GLP2R: variants seen among roughly 807,000 people sequenced by gnomAD.
The protein encoded by GLP2R is glucagon-like peptide 2 receptor.
In GLP2R, 59 loss-of-function variants were observed where a neutral mutation model predicts 68.2. That is an observed-to-expected ratio of 0.87 (90% CI 0.70 to 1.07). The LOEUF is 1.07. Ranked by LOEUF, GLP2R falls within the 50% of genes least tolerant of loss-of-function variation. The pLI, the probability that GLP2R is intolerant of heterozygous loss-of-function variation, is 0.00. For missense variants in GLP2R, 548 were observed against 677.4 expected (o/e 0.81, Z 2.12); for synonymous variants, 270 against 265.4 (o/e 1.02, Z -0.17).
chr17:9,842,875 C>T (rs1018199955), intron 4 of GLP2R, among the ~76,000 whole-genome samples: 4 of 152,346 alleles, frequency 2.6e-5, no homozygotes, highest in African/African-American at 9.6e-5. Context: ...TGCTGTTCCC[C>T]GTGCCTGGAG....
intron 10 of GLP2R, among the ~76,000 whole-genome samples, chr17:9,877,891 A>G (rs1426350862): frequency 2.6e-5 from 4 of 152,082 alleles, no homozygotes; most frequent in African/African-American, 9.7e-5. Flanking sequence ...AAAAAAAAAA[A>G]AAAACGTTAG....
chr17:9,851,734 A>C (rs1427599825), intron 4 of GLP2R, among the ~76,000 whole-genome samples: 1 of 152,238 alleles, frequency 6.6e-6, no homozygotes, highest in East Asian at 1.9e-4. Flanking sequence ...ATCTACAAAA[A>C]GGAATGAAGA....
intron 2 of GLP2R, among the ~76,000 whole-genome samples, chr17:9,835,606 G>T (rs2066721194): frequency 6.6e-6 from 1 of 152,152 alleles, no homozygotes; most frequent in Admixed American, 6.5e-5. Flanking sequence ...TATTCCGCTG[G>T]TCGTTTTGTA....
intron 1 of GLP2R, among the ~76,000 whole-genome samples, chr17:9,831,279 C>T (rs1265264392): frequency 6.6e-6 from 1 of 152,204 alleles, no homozygotes; most frequent in African/African-American, 2.4e-5. Context: ...TGAACCCTTC[C>T]TCATCCTCCG....
At chr17:9,867,044 T>C (rs2067045152) in intron 9 of GLP2R, 1 of 152,208 alleles carries the variant, frequency 6.6e-6, no homozygotes, top group African/African-American at 2.4e-5. Context: ...TAAACTGAAG[T>C]AAGAAAGAGT....
intron 4 of GLP2R, among the ~76,000 whole-genome samples, chr17:9,847,986 A>G (rs1263659678): frequency 2.0e-5 from 3 of 152,174 alleles, no homozygotes; most frequent in Admixed American, 2.0e-4. Flanking sequence ...TCCATGTCTA[A>G]TCTTCCATCA....
chr17:9,853,111 C>T (rs2066906513), intron 4 of GLP2R: 2 of 529,752 alleles, frequency 3.8e-6, no homozygotes, highest in African/African-American at 3.9e-5. Flanking sequence ...CTGCCTTCGT[C>T]ATTCATTGTC....
intron 4 of GLP2R, among the ~76,000 whole-genome samples, chr17:9,851,925 G>A (rs2315575): frequency 0.59 from 89,093 of 151,596 alleles, 27,103 homozygotes; most frequent in East Asian, 0.76. Flanking sequence ...AATAACCCAT[G>A]AGTCAAGTAA....
intron 9 of GLP2R, among the ~76,000 whole-genome samples, chr17:9,867,776 G>A (rs887462257): frequency 2.0e-5 from 3 of 152,102 alleles, no homozygotes; most frequent in African/African-American, 7.2e-5. Flanking sequence ...TTGACTTTAT[G>A]AAATCATAAA....
intron 10 of GLP2R, among the ~76,000 whole-genome samples, chr17:9,878,017 T>G (rs1380741048): frequency 1.3e-5 from 2 of 152,078 alleles, no homozygotes; most frequent in South Asian, 2.1e-4. Flanking sequence ...CACCATAACA[T>G]GGCATCAGAA....
At chr17:9,886,396 G>A (rs879923471) in intron 11 of GLP2R, among the ~76,000 whole-genome samples, 1 of 151,104 alleles carries the variant, frequency 6.6e-6, no homozygotes, top group Non-Finnish European at 1.5e-5. Flanking sequence ...AAACTGTGAA[G>A]CAAGCACCCG....
At chr17:9,844,076 AAG>A (rs930627001) in intron 4 of GLP2R, among the ~76,000 whole-genome samples, 8 of 152,040 alleles carry the variant, frequency 5.3e-5, no homozygotes, top group Middle Eastern at 3.2e-3. Context: ...TGGCCATAGT[AAG>A]AGAGAGAGCA....
intron 4 of GLP2R, among the ~76,000 whole-genome samples, chr17:9,845,428 T>C (rs758791844): frequency 4.6e-5 from 7 of 152,246 alleles, no homozygotes; most frequent in Non-Finnish European, 7.3e-5. Flanking sequence ...GGGAGCCACC[T>C]AGCCTCTCTG....
At position 9,889,753 on chromosome 17, in the gene GLP2R, GC is replaced by G. The variant is rs1291863288; in HGVS notation, c.*51del. On this transcript the variant is annotated 3_prime_UTR_variant, in exon 13 of 13. Transcript: ENST00000262441. ...TCTGCTCCCAGGGACTCTTGAGGGG[GC>G]CCAGGAAGAGGAAGCAAAGCAGGAC... 2 of 1,249,256 alleles carry G rather than the reference GC, an allele frequency of 1.6e-6. No individual in the cohort carries two copies. Among genetic ancestry groups the G allele is most frequent in the Non-Finnish European group, 2.2e-6 (2 of 907,226 alleles). The allele number at this position is 1,249,256 out of a possible 1,614,324, so 77.4% of individuals were successfully genotyped here. A position where few individuals can be genotyped will look rare whatever the true frequency, so the allele number is the denominator to read the frequency against.
intron 9 of GLP2R, among the ~76,000 whole-genome samples, chr17:9,864,482 G>T (rs909581924): frequency 7.0e-6 from 1 of 143,604 alleles, no homozygotes; most frequent in African/African-American, 2.5e-5. Flanking sequence ...AGTTTTTTCT[G>T]TTTTTTTGTT....
At chr17:9,870,140 A>G (rs2067079315) in intron 9 of GLP2R, among the ~76,000 whole-genome samples, 1 of 152,196 alleles carries the variant, frequency 6.6e-6, no homozygotes, top group South Asian at 2.1e-4. Context: ...AGGGAGGGTT[A>G]TAATCCCATG....
intron 5 of GLP2R, among the ~76,000 whole-genome samples, chr17:9,856,386 C>T (rs1043920915): frequency 2.0e-5 from 3 of 150,852 alleles, no homozygotes; most frequent in Non-Finnish European, 4.4e-5. Flanking sequence ...TGTGTAAATC[C>T]TAAGACACAA....
intron 1 of GLP2R, among the ~76,000 whole-genome samples, chr17:9,827,942 T>G (rs796115831): frequency 3.3e-4 from 44 of 131,440 alleles, no homozygotes; most frequent in African/African-American, 1.4e-3. Context: ...GTCTGGGCAG[T>G]AGAGTGAGGA....
At chr17:9,880,336 C>T (rs374637385) in intron 10 of GLP2R, 42 bp from the exon 11 acceptor site, 1 of 1,379,002 alleles carries the variant, frequency 7.3e-7, no homozygotes, top group Non-Finnish European at 1.0e-6. Flanking sequence ...TTGCTTGTTC[C>T]CCATGTGGCC....
Sources: allele counts gnomAD v4.1 joint callset (sites outside exome capture counted in the v4.1 genomes callset), GRCh38; gene constraint gnomAD v4.1.1; transcripts MANE v1.5; gene names NCBI Gene and HGNC (gene_info 2026-07-23, HGNC 2026-07-21).